The following XYLT1 variants were observed in gnomAD, a reference collection of about 807,000 sequenced individuals.
The protein encoded by XYLT1 is xylosyltransferase 1.
In XYLT1, 36 loss-of-function variants were observed where a neutral mutation model predicts 91.3. The observed-to-expected ratio is 0.39, with a 90% confidence interval of 0.30 to 0.52. XYLT1 has a LOEUF of 0.52. Among genes scored for constraint, XYLT1 ranks in the 20% least tolerant of loss-of-function variants. XYLT1 has a pLI of 0.68. For missense variants in XYLT1, 1,242 were observed against 1,284.5 expected (o/e 0.97, Z 0.51); for synonymous variants, 588 against 532.0 (o/e 1.11, Z -1.45).
At chr16:17,340,526 C>T (rs2035051325) in intron 2 of XYLT1, among the ~76,000 whole-genome samples, 1 of 152,208 alleles carries the variant, frequency 6.6e-6, no homozygotes, top group Non-Finnish European at 1.5e-5. Context: ...ACAATCGCCA[C>T]CATTACCAAT....
intron 1 of XYLT1, among the ~76,000 whole-genome samples, chr16:17,375,883 C>T (rs1343075436): frequency 1.3e-5 from 2 of 152,252 alleles, no homozygotes; most frequent in Non-Finnish European, 2.9e-5. Flanking sequence ...ACGGCTGGAG[C>T]CACTGGTGTC....
chr16:17,426,138 A>G (rs548363822), intron 1 of XYLT1, among the ~76,000 whole-genome samples: 2 of 152,344 alleles, frequency 1.3e-5, no homozygotes, highest in South Asian at 4.1e-4. Flanking sequence ...ATACCACATT[A>G]AAGAAGAAGA....
At chr16:17,357,461 A>T (rs1596500787) in intron 2 of XYLT1, among the ~76,000 whole-genome samples, 1 of 152,186 alleles carries the variant, frequency 6.6e-6, no homozygotes, top group Non-Finnish European at 1.5e-5. Context: ...GGCAGAAAGC[A>T]GACAGTCAGG....
intron 3 of XYLT1, among the ~76,000 whole-genome samples, chr16:17,248,221 G>A (rs1596447052): frequency 6.6e-6 from 1 of 152,120 alleles, no homozygotes; most frequent in Non-Finnish European, 1.5e-5. Context: ...TCTTTCTCTT[G>A]CCTGCCACAC....
At chr16:17,317,629 CAAAAAAAAAAAAAAA>C (rs35666149) in intron 2 of XYLT1, among the ~76,000 whole-genome samples, 1 of 58,010 alleles carries the variant, frequency 1.7e-5, no homozygotes, top group African/African-American at 7.0e-5. Flanking sequence ...GACGCTGTCT[CAAAAAAAAAAAAAAA>C]AAAAAAAAAA....
At chr16:17,221,924 G>C (rs1203338459) in intron 3 of XYLT1, among the ~76,000 whole-genome samples, 1 of 152,180 alleles carries the variant, frequency 6.6e-6, no homozygotes, top group Non-Finnish European at 1.5e-5. Flanking sequence ...TATGCAGCTT[G>C]AGCAGCTCTC....
chr16:17,460,731 C>A (rs1356308130), intron 1 of XYLT1, among the ~76,000 whole-genome samples: 1 of 152,204 alleles, frequency 6.6e-6, no homozygotes, highest in African/African-American at 2.4e-5. Flanking sequence ...ATTGCCGGAT[C>A]TTATGACTTT....
chr16:17,138,652 G>A (rs2030860980), intron 7 of XYLT1, 121 bp from the exon 8 acceptor site: 1 of 1,220,138 alleles, frequency 8.2e-7, no homozygotes, highest in South Asian at 1.5e-5. Flanking sequence ...AAAAGAATGT[G>A]GCATCTCATC....
chr16:17,396,546 G>A (rs1223763854), intron 1 of XYLT1, among the ~76,000 whole-genome samples: 1 of 152,132 alleles, frequency 6.6e-6, no homozygotes, highest in Non-Finnish European at 1.5e-5. Context: ...CTGATAAGGG[G>A]CTAAATTCAG....
At chr16:17,452,780 C>T in intron 1 of XYLT1, among the ~76,000 whole-genome samples, 1 of 152,016 alleles carries the variant, frequency 6.6e-6, no homozygotes, top group Non-Finnish European at 1.5e-5. Context: ...TCTTTTTAGA[C>T]CAAGTTAATT....
chr16:17,339,131 G>T (rs1275516575), intron 2 of XYLT1, among the ~76,000 whole-genome samples: 2 of 152,186 alleles, frequency 1.3e-5, no homozygotes, highest in Non-Finnish European at 2.9e-5. Flanking sequence ...TGAACATCTT[G>T]CTATGATTTC....
chr16:17,264,238 C>T (rs193292369), intron 2 of XYLT1, among the ~76,000 whole-genome samples: 186 of 152,240 alleles, frequency 1.2e-3, no homozygotes, highest in African/African-American at 3.8e-3. Context: ...CTCCCCAATC[C>T]CCCAACTCCT....
At chr16:17,276,971 T>A (rs1235098902) in intron 2 of XYLT1, among the ~76,000 whole-genome samples, 2 of 152,228 alleles carry the variant, frequency 1.3e-5, no homozygotes, top group Non-Finnish European at 2.9e-5. Flanking sequence ...GTTACCCACA[T>A]CATTTCATGC....
intron 3 of XYLT1, among the ~76,000 whole-genome samples, chr16:17,208,314 C>T (rs1241065430): frequency 1.3e-5 from 2 of 151,642 alleles, no homozygotes; most frequent in Non-Finnish European, 2.9e-5. Flanking sequence ...CTGTCACAGC[C>T]CCTCTGAACA....
chr16:17,357,027 AT>A (rs1245009288), intron 2 of XYLT1, among the ~76,000 whole-genome samples: 2 of 151,868 alleles, frequency 1.3e-5, no homozygotes, highest in African/African-American at 4.8e-5. Flanking sequence ...ATATTAAAAA[AT>A]TAGCCGGGCG....
In XYLT1 at chr16:17,293,491, C is replaced by CTT. The variant is rs548581536; in HGVS notation, c.403-33995_403-33994dup. ...TTTTAACATAAAGATTTTCTCCCTC[C>CTT]TTTTTTTTTTTTTTTTTTTTTTTTT... is the stretch of plus-strand genomic sequence containing the variant. On this transcript the variant is annotated intron_variant, in intron 2 of 11. Coordinates refer to ENST00000261381, the MANE Select transcript of XYLT1 (RefSeq NM_022166.4). 4.1e-3 allele frequency among the ~76,000 whole-genome samples: 493 copies of CTT among 119,096 alleles called. 31 individuals carry two copies. Among genetic ancestry groups the CTT allele is most frequent in the Non-Finnish European group, 6.3e-3 (349 of 54,978 alleles). 78.1% of individuals were successfully genotyped at this position (119,096 alleles called of 152,430 possible). A position where few individuals can be genotyped will look rare whatever the true frequency, so the allele number is the denominator to read the frequency against.
chr16:17,409,019 C>T (rs2036068585), intron 1 of XYLT1, among the ~76,000 whole-genome samples: 1 of 152,120 alleles, frequency 6.6e-6, no homozygotes, highest in Admixed American at 6.5e-5. Flanking sequence ...ACAATGTGCC[C>T]ATAATGACAC....
chr16:17,174,806 T>C (rs527355950), intron 5 of XYLT1, among the ~76,000 whole-genome samples: 3 of 152,230 alleles, frequency 2.0e-5, no homozygotes, highest in African/African-American at 7.2e-5. Flanking sequence ...AGCCTCACTC[T>C]GTTGCCCAGG....
At chr16:17,169,876 C>G (rs2031784779) in intron 5 of XYLT1, among the ~76,000 whole-genome samples, 1 of 152,156 alleles carries the variant, frequency 6.6e-6, no homozygotes, top group Non-Finnish European at 1.5e-5. Flanking sequence ...CAGGGGAGGT[C>G]CACTTCAGAG....
Sources: gnomAD v4.1 joint callset for allele counts (sites outside exome capture counted in the v4.1 genomes callset) on GRCh38, gnomAD v4.1.1 for gene constraint, MANE v1.5 for transcripts, NCBI Gene and HGNC (gene_info 2026-07-23, HGNC 2026-07-21) for gene names.